Variants in RAD51B observed in about 807,000 individuals in gnomAD.
RAD51B encodes DNA repair protein RAD51 homolog 2.
A neutral mutation model predicts 42.2 loss-of-function variants in RAD51B; 38 were observed. That is an observed-to-expected ratio of 0.90 (90% CI 0.70 to 1.18). The LOEUF is 1.18. Ranked by LOEUF, RAD51B falls within the 50% of genes most tolerant of loss-of-function variation. RAD51B has a pLI of 0.00. For synonymous variants in RAD51B, 154 were observed against 145.2 expected (o/e 1.06, Z -0.43); for missense variants, 373 against 400.7 (o/e 0.93, Z 0.59).
chr14:67,987,244 C>A (rs892829099), intron 7 of RAD51B, among the ~76,000 whole-genome samples: 1 of 152,098 alleles, frequency 6.6e-6, no homozygotes, highest in Non-Finnish European at 1.5e-5. Flanking sequence ...TATTGAGTAT[C>A]GTTACCCTAT....
chr14:68,558,068 A>C (rs1888947804), intron 10 of RAD51B, among the ~76,000 whole-genome samples: 1 of 152,196 alleles, frequency 6.6e-6, no homozygotes, highest in South Asian at 2.1e-4. Context: ...TGAGAGCTCA[A>C]AGGCTGTGCT....
At chr14:68,659,408 G>T (rs1892888195) in intron 11 of RAD51B, among the ~76,000 whole-genome samples, 2 of 152,186 alleles carry the variant, frequency 1.3e-5, no homozygotes, top group African/African-American at 4.8e-5. Flanking sequence ...TTTCATCTCA[G>T]TCATTTACTC....
chr14:68,495,284 C>T (rs946173587), intron 10 of RAD51B, among the ~76,000 whole-genome samples: 8 of 152,238 alleles, frequency 5.3e-5, no homozygotes, highest in Non-Finnish European at 7.3e-5. Context: ...GTGCTCTCTA[C>T]AGCTCTCAGT....
At chr14:68,515,143 C>A (rs1385470821) in intron 10 of RAD51B, among the ~76,000 whole-genome samples, 2 of 152,122 alleles carry the variant, frequency 1.3e-5, no homozygotes, top group African/African-American at 2.4e-5. Flanking sequence ...AATTTTATGT[C>A]CAGCAATCTT....
chr14:67,885,803 A>C, intron 5 of RAD51B, 66 bp from the exon 6 acceptor site: 1 of 1,514,958 alleles, frequency 6.6e-7, no homozygotes, highest in Non-Finnish European at 8.9e-7. Flanking sequence ...AATTAATTAG[A>C]GATTCAGCAA....
At chr14:68,041,470 TA>T (rs1360285392) in intron 7 of RAD51B, among the ~76,000 whole-genome samples, 2 of 152,212 alleles carry the variant, frequency 1.3e-5, no homozygotes, top group Non-Finnish European at 2.9e-5. Context: ...TCCTTTTGAT[TA>T]TTTTTTCTCT....
chr14:68,649,151 ATGGATTGAG>A (rs1892647488), intron 10 of RAD51B, among the ~76,000 whole-genome samples: 4 of 152,292 alleles, frequency 2.6e-5, no homozygotes, highest in African/African-American at 9.6e-5. Context: ...ACACATTAAG[ATGGATTGAG>A]CTCCCAGCTC....
At chr14:68,106,563 A>G (rs867467690) in intron 7 of RAD51B, among the ~76,000 whole-genome samples, 3 of 151,956 alleles carry the variant, frequency 2.0e-5, no homozygotes, top group Non-Finnish European at 4.4e-5. Context: ...TGGAGTTGTT[A>G]AAGTTCTCCT....
chr14:68,166,980 C>T (rs1257411288), intron 7 of RAD51B, among the ~76,000 whole-genome samples: 2 of 152,098 alleles, frequency 1.3e-5, no homozygotes, highest in African/African-American at 2.4e-5. Context: ...GGCTTTTGCT[C>T]TTCTGTCACC....
chr14:68,436,123 G>T (rs766247919), intron 9 of RAD51B, among the ~76,000 whole-genome samples: 21 of 152,046 alleles, frequency 1.4e-4, no homozygotes, highest in Non-Finnish European at 2.4e-4. Flanking sequence ...GTATTTCCTA[G>T]ATTTTCTTCT....
At chr14:68,504,574 G>T (rs1254321496) in intron 10 of RAD51B, among the ~76,000 whole-genome samples, 1 of 152,010 alleles carries the variant, frequency 6.6e-6, no homozygotes, top group African/African-American at 2.4e-5. Flanking sequence ...TCTCCCAGTG[G>T]ACTCTGCGAC....
intron 9 of RAD51B, among the ~76,000 whole-genome samples, chr14:68,461,332 C>T (rs1485110425): frequency 2.3e-5 from 1 of 43,370 alleles, no homozygotes; most frequent in Non-Finnish European, 4.2e-5. Context: ...AATATCCATG[C>T]AGGGAAAAAA....
intron 10 of RAD51B, among the ~76,000 whole-genome samples, chr14:68,604,181 G>C (rs8006141): frequency 1.3e-5 from 2 of 152,102 alleles, no homozygotes; most frequent in Non-Finnish European, 2.9e-5. Flanking sequence ...CCAGGTGCAC[G>C]CGAGAGTGGC....
At position 68,339,571 on chromosome 14, in the gene RAD51B, A is replaced by G. The variant is rs547692386; in HGVS notation, c.853+47591A>G. 13 of 324,046 alleles carry G rather than the reference A, an allele frequency of 4.0e-5. 1 individual carries two copies. Among genetic ancestry groups the G allele is most frequent in the Admixed American group, 3.8e-4 (8 of 21,028 alleles). The allele number at this position is 324,046 out of a possible 1,614,324, so 20.1% of individuals were successfully genotyped here. A position where few individuals can be genotyped will look rare whatever the true frequency, so the allele number is the denominator to read the frequency against. On this transcript the variant is annotated intron_variant, in intron 8 of 10. Coordinates refer to ENST00000471583, the MANE Select transcript of RAD51B (RefSeq NM_133510.4). Reference sequence around the variant, plus strand: ...GAGACTTATGGTTGCCATATTTTTCATCTAGCATTATACCAAATAACTTTG... The same window carrying G: ...GAGACTTATGGTTGCCATATTTTTCGTCTAGCATTATACCAAATAACTTTG...
At chr14:67,939,026 C>T (rs921946605) in intron 7 of RAD51B, among the ~76,000 whole-genome samples, 1 of 152,166 alleles carries the variant, frequency 6.6e-6, no homozygotes, top group African/African-American at 2.4e-5. Flanking sequence ...AGTGTCTGGG[C>T]TCTAATTTGA....
At chr14:68,253,278 G>A (rs1291165239) in intron 7 of RAD51B, among the ~76,000 whole-genome samples, 5 of 151,904 alleles carry the variant, frequency 3.3e-5, no homozygotes, top group Non-Finnish European at 7.4e-5. Context: ...CATGCCATCT[G>A]TAGCTTTTTT....
At chr14:68,324,986 C>T (rs1378260179) in intron 8 of RAD51B, among the ~76,000 whole-genome samples, 1 of 152,198 alleles carries the variant, frequency 6.6e-6, no homozygotes, top group African/African-American at 2.4e-5. Flanking sequence ...AACACAGTGC[C>T]TTACACTCCA....
intron 7 of RAD51B, among the ~76,000 whole-genome samples, chr14:67,959,891 C>T (rs376718022): frequency 2.6e-5 from 4 of 151,996 alleles, no homozygotes; most frequent in African/African-American, 9.7e-5. Context: ...ACTAGCCTGG[C>T]CAACATGGTG....
In RAD51B at chr14:68,541,498, G is replaced by A. The variant is rs1887964865; in HGVS notation, c.1037-52987G>A. 7.1e-6 allele frequency: 7 copies of A among 985,318 alleles called. No individual in the cohort carries two copies. In the South Asian group the frequency reaches 1.4e-4, roughly 20 times the overall value. 61.0% of individuals were successfully genotyped at this position (985,318 alleles called of 1,614,324 possible). ...GGCTGAAACAGTGGAAGGAGCCCTC[G>A]TGATTGAAGACCACTTTGCCTTGGA... On this transcript the variant is annotated intron_variant, in intron 10 of 10. Coordinates refer to the RAD51B transcript ENST00000487270.
Sources: allele counts gnomAD v4.1 joint callset (sites outside exome capture counted in the v4.1 genomes callset), GRCh38; gene constraint gnomAD v4.1.1; transcripts MANE v1.5; gene names NCBI Gene and HGNC (gene_info 2026-07-23, HGNC 2026-07-21).